NAV2: variants seen among roughly 807,000 people sequenced by gnomAD.
The protein encoded by NAV2 is helicase, APC down-regulated 1.
A neutral mutation model predicts 223.2 loss-of-function variants in NAV2; 54 were observed. The ratio of observed to expected loss-of-function variants is 0.24; its 90% confidence interval spans 0.19 to 0.30. NAV2 has a LOEUF of 0.30. Ranked by LOEUF, NAV2 falls within the 10% of genes least tolerant of loss-of-function variation. The pLI, the probability that NAV2 is intolerant of heterozygous loss-of-function variation, is 1.00. For synonymous variants in NAV2, 1,279 were observed against 1,239.3 expected (o/e 1.03, Z -0.67); for missense variants, 2,806 against 3,147.5 (o/e 0.89, Z 2.60).
At chr11:19,792,496 C>T (rs896148727) in intron 1 of NAV2, among the ~76,000 whole-genome samples, 1 of 152,180 alleles carries the variant, frequency 6.6e-6, no homozygotes, top group East Asian at 1.9e-4. Context: ...CTGTATGCAC[C>T]TCACGCTTCC....
chr11:20,030,582 T>A (rs1013721255), intron 11 of NAV2, among the ~76,000 whole-genome samples: 3 of 152,222 alleles, frequency 2.0e-5, no homozygotes, highest in Non-Finnish European at 4.4e-5. Flanking sequence ...TAATTAAATT[T>A]TCTTAAATAT....
chr11:19,749,805 G>C (rs1394112949), intron 1 of NAV2, among the ~76,000 whole-genome samples: 4 of 152,222 alleles, frequency 2.6e-5, no homozygotes, highest in Non-Finnish European at 1.5e-5. Context: ...ATTCAGGCTA[G>C]AGACTTTCAC....
At chr11:19,395,174 C>T (rs2729862) in intron 1 of NAV2, among the ~76,000 whole-genome samples, 147,126 of 152,318 alleles carry the variant, frequency 0.97, 71,253 homozygotes, top group East Asian at 1. Flanking sequence ...CCCATGTGCA[C>T]GTGTGAGGCC....
At chr11:20,039,427 C>G (rs138570919) in intron 12 of NAV2, among the ~76,000 whole-genome samples, 2,732 of 152,130 alleles carry the variant, frequency 0.018, 37 homozygotes, top group Non-Finnish European at 0.028. Flanking sequence ...TCTTATCTCT[C>G]CCTCCCTTCC....
At chr11:19,562,716 G>A (rs1221251230) in intron 1 of NAV2, among the ~76,000 whole-genome samples, 1 of 152,138 alleles carries the variant, frequency 6.6e-6, no homozygotes, top group Admixed American at 6.5e-5. Context: ...CCCTGTGCTG[G>A]TGTGGATTTA....
At chr11:19,938,464 GAC>G (rs1463248439) in intron 7 of NAV2, among the ~76,000 whole-genome samples, 1 of 152,214 alleles carries the variant, frequency 6.6e-6, no homozygotes, top group African/African-American at 2.4e-5. Flanking sequence ...CAATAACAAA[GAC>G]AGTCCTTTCC....
chr11:19,421,358 G>A (rs4287318), intron 1 of NAV2, among the ~76,000 whole-genome samples: 103,468 of 151,532 alleles, frequency 0.68, 35,461 homozygotes, highest in Admixed American at 0.73. Flanking sequence ...GCTCTAAGGC[G>A]TGCATGCTCA....
Position 19,934,275 on chromosome 11 carries a change from C to T in NAV2, c.2031C>T (p.Tyr677=), listed in dbSNP as rs1276088585. The T allele has an allele frequency of 1.3e-6, 2 of 1,570,970 alleles. No individual in the cohort carries two copies. The highest frequency in any genetic ancestry group is 1.7e-6 in the Non-Finnish European group (2 of 1,157,072). The change falls in exon 7 of 38, where the codon TAC becomes TAT. Residue 677 remains tyrosine, a splice_region_variant and synonymous_variant. Transcript: ENST00000349880. Reference sequence around the variant, plus strand: ...CTGCCACGGTTGCACCTTTCCTGTACAGGTAGGAGCTGCCACCCACCTGTG... The same window carrying T: ...CTGCCACGGTTGCACCTTTCCTGTATAGGTAGGAGCTGCCACCCACCTGTG... ...PNTATVAPFL[Y]RSQTDTEGNV...
chr11:19,726,813 G>A (rs368896711), intron 1 of NAV2, among the ~76,000 whole-genome samples: 30 of 152,196 alleles, frequency 2.0e-4, no homozygotes, highest in East Asian at 7.7e-4. Flanking sequence ...ATAAGATCCC[G>A]GATGACATAT....
At chr11:19,368,500 A>G (rs1848365065) in intron 1 of NAV2, among the ~76,000 whole-genome samples, 1 of 152,196 alleles carries the variant, frequency 6.6e-6, no homozygotes, top group South Asian at 2.1e-4. Context: ...CCATTTCACT[A>G]CTGTGAGCCT....
At chr11:19,402,981 C>T (rs1162817634) in intron 1 of NAV2, among the ~76,000 whole-genome samples, 2 of 152,180 alleles carry the variant, frequency 1.3e-5, no homozygotes, top group South Asian at 2.1e-4. Context: ...TCGGGAGTGG[C>T]GGTGAAGAGC....
upstream of NAV2, among the ~76,000 whole-genome samples, chr11:19,708,008 T>C (rs541885114): frequency 2.6e-5 from 4 of 152,272 alleles, no homozygotes; most frequent in South Asian, 2.1e-4. Context: ...CATACACACA[T>C]ACATACCCCT....
At chr11:19,396,548 T>A (rs1340673426) in intron 1 of NAV2, among the ~76,000 whole-genome samples, 1 of 152,148 alleles carries the variant, frequency 6.6e-6, no homozygotes, top group Non-Finnish European at 1.5e-5. Context: ...ATCCATGAAG[T>A]CTGTTGCATC....
chr11:19,898,196 G>A (rs2042157525), intron 6 of NAV2, among the ~76,000 whole-genome samples: 1 of 151,922 alleles, frequency 6.6e-6, no homozygotes, highest in Admixed American at 6.6e-5. Flanking sequence ...GAATAATACG[G>A]TTTTCTTCAT....
chr11:19,875,311 G>A (rs1245213230), intron 4 of NAV2, among the ~76,000 whole-genome samples: 1 of 152,154 alleles, frequency 6.6e-6, no homozygotes, highest in Non-Finnish European at 1.5e-5. Context: ...TACCTTAAAT[G>A]TGCTCAGAAC....
chr11:19,523,204 C>T (rs552364171), intron 1 of NAV2, among the ~76,000 whole-genome samples: 3 of 152,252 alleles, frequency 2.0e-5, no homozygotes, highest in Non-Finnish European at 4.4e-5. Context: ...ATCTCCTCCA[C>T]ACGAACTCCC....
At chr11:19,538,725 A>G (rs1271370142) in intron 1 of NAV2, among the ~76,000 whole-genome samples, 5 of 151,142 alleles carry the variant, frequency 3.3e-5, no homozygotes, top group Admixed American at 2.0e-4. Context: ...TGTTTTATTT[A>G]TGTATCTTTT....
chr11:19,922,696 G>C (rs1229457731), intron 6 of NAV2, among the ~76,000 whole-genome samples: 1 of 152,118 alleles, frequency 6.6e-6, no homozygotes, highest in East Asian at 1.9e-4. Flanking sequence ...GTCATTACCT[G>C]CCCACGGTTC....
intron 1 of NAV2, among the ~76,000 whole-genome samples, chr11:19,387,973 G>A (rs1055408935): frequency 3.9e-5 from 6 of 152,194 alleles, no homozygotes; most frequent in Non-Finnish European, 5.9e-5. Flanking sequence ...GTGAGCTTGT[G>A]AGAAATGTAG....
Sources: gnomAD v4.1 joint callset for allele counts (sites outside exome capture counted in the v4.1 genomes callset) on GRCh38, gnomAD v4.1.1 for gene constraint, MANE v1.5 for transcripts, NCBI Gene and HGNC (gene_info 2026-07-23, HGNC 2026-07-21) for gene names.